The following MACROD2 variants were observed in gnomAD, a reference collection of about 807,000 sequenced individuals.
The protein encoded by MACROD2 is ADP-ribose glycohydrolase MACROD2.
In MACROD2, 36 loss-of-function variants were observed where a neutral mutation model predicts 70.4. That is an observed-to-expected ratio of 0.51 (90% CI 0.39 to 0.68). MACROD2 has a LOEUF of 0.68. Ranked by LOEUF, MACROD2 falls within the 30% of genes least tolerant of loss-of-function variation. MACROD2 has a pLI of 0.00. For synonymous variants in MACROD2, 172 were observed against 178.8 expected, an observed-to-expected ratio of 0.96 and a Z score of 0.30; for missense variants, 496 against 538.4, an observed-to-expected ratio of 0.92 and a Z score of 0.78.
chr20:15,117,434 T>C (rs1163530724), intron 5 of MACROD2, among the ~76,000 whole-genome samples: 1 of 152,208 alleles, frequency 6.6e-6, no homozygotes, highest in Non-Finnish European at 1.5e-5. Context: ...AACATGGTCC[T>C]TTACAAGATT....
intron 6 of MACROD2, among the ~76,000 whole-genome samples, chr20:15,272,516 G>A (rs527336631): frequency 6.6e-6 from 1 of 152,324 alleles, no homozygotes; most frequent in South Asian, 2.1e-4. Context: ...TTTCAGAACT[G>A]TCTTTTTTGC....
intron 5 of MACROD2, among the ~76,000 whole-genome samples, chr20:14,779,991 A>G (rs914018898): frequency 6.6e-6 from 1 of 152,116 alleles, no homozygotes; most frequent in Non-Finnish European, 1.5e-5. Flanking sequence ...TGTGAAGTAG[A>G]TATCACTGTC....
intron 6 of MACROD2, among the ~76,000 whole-genome samples, chr20:15,303,176 A>ATT (rs1426318686): frequency 6.6e-6 from 1 of 152,108 alleles, no homozygotes; most frequent in Admixed American, 6.5e-5. Context: ...GACATCTTGC[A>ATT]TTCTTTCTTT....
chr20:15,511,187 T>C (rs894535800), intron 8 of MACROD2, among the ~76,000 whole-genome samples: 11 of 152,224 alleles, frequency 7.2e-5, no homozygotes, highest in Non-Finnish European at 1.3e-4. Flanking sequence ...TGCACGCATA[T>C]ATCCTCTGTT....
intron 5 of MACROD2, among the ~76,000 whole-genome samples, chr20:15,012,537 G>A (rs1290935308): frequency 1.3e-5 from 2 of 152,106 alleles, no homozygotes; most frequent in South Asian, 2.1e-4. Flanking sequence ...TATAGCATTC[G>A]GAGCCAATGG....
intron 8 of MACROD2, among the ~76,000 whole-genome samples, chr20:15,800,022 ATTGCC>A (rs1361237448): frequency 6.6e-6 from 1 of 151,612 alleles, no homozygotes; most frequent in Non-Finnish European, 1.5e-5. Context: ...TTTGATTTGT[ATTGCC>A]TTGATGACTC....
intron 4 of MACROD2, among the ~76,000 whole-genome samples, chr20:14,560,143 GT>G (rs1979326918): frequency 6.6e-6 from 1 of 151,766 alleles, no homozygotes; most frequent in Non-Finnish European, 1.5e-5. Context: ...CTTGCTATCC[GT>G]TTTAAAGAAT....
At chr20:14,622,161 T>C (rs187728918) in intron 4 of MACROD2, among the ~76,000 whole-genome samples, 48 of 152,238 alleles carry the variant, frequency 3.2e-4, no homozygotes, top group African/African-American at 8.4e-4. Flanking sequence ...TATATTTCCA[T>C]TGGATAATAA....
chr20:15,868,686 A>G (rs749327663), intron 9 of MACROD2, among the ~76,000 whole-genome samples: 1 of 150,324 alleles, frequency 6.7e-6, no homozygotes, highest in Non-Finnish European at 1.5e-5. Flanking sequence ...TTAATTTTAG[A>G]TACCTTCAAC....
chr20:14,891,568 T>C (rs2073760740), intron 5 of MACROD2, among the ~76,000 whole-genome samples: 1 of 152,172 alleles, frequency 6.6e-6, no homozygotes, highest in South Asian at 2.1e-4. Context: ...ATGCAATAAA[T>C]ATGTGTTGGT....
intron 6 of MACROD2, among the ~76,000 whole-genome samples, chr20:15,362,876 T>C (rs1040312907): frequency 1.1e-4 from 17 of 148,934 alleles, no homozygotes; most frequent in Non-Finnish European, 1.3e-4. Context: ...TATTTAAAGC[T>C]AAGGAATCTG....
At chr20:15,931,569 G>C (rs1263640867) in intron 10 of MACROD2, among the ~76,000 whole-genome samples, 1 of 151,976 alleles carries the variant, frequency 6.6e-6, no homozygotes, top group African/African-American at 2.4e-5. Flanking sequence ...CTTGAGTCCA[G>C]GAGTTAAAGG....
intron 5 of MACROD2, among the ~76,000 whole-genome samples, chr20:14,976,295 TG>T (rs2074739069): frequency 6.6e-6 from 1 of 152,202 alleles, no homozygotes; most frequent in Non-Finnish European, 1.5e-5. Context: ...TGGTTTCTTC[TG>T]AAGTCTCTGA....
intron 4 of MACROD2, among the ~76,000 whole-genome samples, chr20:14,637,678 G>A (rs1440570941): frequency 6.6e-6 from 1 of 152,150 alleles, no homozygotes; most frequent in Non-Finnish European, 1.5e-5. Context: ...TTGGTGTCCA[G>A]GTGGTTGCTG....
intron 4 of MACROD2, among the ~76,000 whole-genome samples, chr20:14,509,361 A>G (rs1446585977): frequency 1.3e-5 from 2 of 152,092 alleles, no homozygotes; most frequent in Non-Finnish European, 2.9e-5. Flanking sequence ...AATATATTTG[A>G]TTAACTAATT....
chr20:14,649,838 C>T (rs941318805), intron 4 of MACROD2, among the ~76,000 whole-genome samples: 2 of 152,142 alleles, frequency 1.3e-5, no homozygotes. Context: ...CTAATAAACA[C>T]CCAGGCTTGG....
rs992879873 is a variant in MACROD2, at chr20:16,051,863, G to A, written c.*1987G>A. Reference sequence around the variant, plus strand: ...AGTTGAAAAAAACATGAGGGAAACAGAGGGACAGAGATTTTCTAATGAACA... The same window carrying A: ...AGTTGAAAAAAACATGAGGGAAACAAAGGGACAGAGATTTTCTAATGAACA... On this transcript the variant is annotated 3_prime_UTR_variant, in exon 18 of 18. Transcript: ENST00000684519. The A allele has an allele frequency of 6.6e-6, 1 of 152,180 alleles. No individual in the cohort carries two copies. The highest frequency in any genetic ancestry group is 1.5e-5 in the Non-Finnish European group (1 of 68,044). The allele number at this position is 152,180 out of a possible 1,614,324, so 9.4% of individuals were successfully genotyped here. A position where few individuals can be genotyped will look rare whatever the true frequency, so the allele number is the denominator to read the frequency against.
At chr20:15,303,457 G>T (rs996746891) in intron 6 of MACROD2, among the ~76,000 whole-genome samples, 1 of 152,084 alleles carries the variant, frequency 6.6e-6, no homozygotes, top group African/African-American at 2.4e-5. Flanking sequence ...TGCCCTAGAC[G>T]TTCATGTCAG....
rs989763467 is a variant in MACROD2, at chr20:16,051,358, G to A, written c.*1482G>A. The A allele has an allele frequency of 6.6e-6, 1 of 152,034 alleles. No individual in the cohort carries two copies. Among genetic ancestry groups the A allele is most frequent in the Non-Finnish European group, 1.5e-5 (1 of 67,982 alleles). The allele number at this position is 152,034 out of a possible 1,614,324, so 9.4% of individuals were successfully genotyped here. A position where few individuals can be genotyped will look rare whatever the true frequency, so the allele number is the denominator to read the frequency against. ...ATCTTCAGTTTTGCACTTTTTTGAT[G>A]GAAAATTCATCTTATCTTCCTATGA... On this transcript the variant is annotated 3_prime_UTR_variant, in exon 18 of 18. Transcript: ENST00000684519.
Sources: allele counts gnomAD v4.1 joint callset (sites outside exome capture counted in the v4.1 genomes callset), GRCh38; gene constraint gnomAD v4.1.1; transcripts MANE v1.5; gene names NCBI Gene and HGNC (gene_info 2026-07-23, HGNC 2026-07-21).